NME9: variants seen among roughly 807,000 people sequenced by gnomAD.
NME9 encodes the protein NME/NM23 family member 9, also known as thioredoxin domain-containing protein 6.
Under a neutral mutation model 44.4 loss-of-function variants are expected in NME9, and 48 were observed. That is an observed-to-expected ratio of 1.08 (90% CI 0.86 to 1.37). The LOEUF is 1.37. Among genes scored for constraint, NME9 ranks in the 40% most tolerant of loss-of-function variants. The pLI is 0.00. For missense variants in NME9, 325 were observed against 405.2 expected (o/e 0.80, Z 1.70); for synonymous variants, 139 against 147.1 (o/e 0.94, Z 0.40).
chr3:138,309,674 G>T (rs189251132), intron 6 of NME9, among the ~76,000 whole-genome samples: 1 of 151,486 alleles, frequency 6.6e-6, no homozygotes, highest in African/African-American at 2.4e-5. Context: ...GACAGAACTA[G>T]AGTGAGCCAA....
At chr3:138,318,253 T>G in intron 3 of NME9, 34 bp from the exon 4 acceptor site, 1 of 1,327,702 alleles carries the variant, frequency 7.5e-7, no homozygotes, top group South Asian at 1.2e-5. Flanking sequence ...GTACCCTGGA[T>G]GCAGGGGGTG....
chr3:138,320,881 A>G (rs562370819), intron 2 of NME9, among the ~76,000 whole-genome samples: 76 of 152,298 alleles, frequency 5.0e-4, no homozygotes, highest in African/African-American at 1.8e-3. Context: ...GAGAAGCTCT[A>G]TCCTGAATCA....
chr3:138,263,955 T>C, intron 8 of NME9: 1 of 972,966 alleles, frequency 1.0e-6, no homozygotes, highest in Non-Finnish European at 1.6e-6. Context: ...ATAGAGTATA[T>C]AACATTGTCT....
chr3:138,284,440 A>C lies in NME9; in HGVS notation c.745+19067T>G, dbSNP rs1436018732. 1 of 1,613,034 alleles carries C rather than the reference A, an allele frequency of 6.2e-7. No individual in the cohort carries two copies. Among genetic ancestry groups the C allele is most frequent in the East Asian group, 2.2e-5 (1 of 44,886 alleles). On this transcript the variant is annotated intron_variant, in intron 8 of 8. Coordinates refer to the NME9 transcript ENST00000317876. The stretch of plus-strand genomic sequence containing the variant: ...CTTTGTTCTTTTCCAGACACTGTGC[A>C]TCTTAGCCAACATAGCGGATGGGAC...
chr3:138,286,942 T>A (rs1209972945), intron 8 of NME9, among the ~76,000 whole-genome samples: 1 of 152,188 alleles, frequency 6.6e-6, no homozygotes, highest in Admixed American at 6.5e-5. Context: ...CTCTGTCCCC[T>A]CATTCACTCA....
chr3:138,327,117 C>A (rs1209805269), intron 1 of NME9: 1 of 147,692 alleles, frequency 6.8e-6, no homozygotes. Context: ...GATCATGCCG[C>A]TGCATTCCAG....
chr3:138,287,706 C>G (rs1328090756), intron 8 of NME9: 3 of 456,536 alleles, frequency 6.6e-6, no homozygotes, highest in Admixed American at 4.7e-5. Context: ...TAGAATTCTA[C>G]TGGAGGAAGC....
intron 8 of NME9, among the ~76,000 whole-genome samples, chr3:138,285,098 C>T (rs1019164459): frequency 6.6e-6 from 1 of 152,180 alleles, no homozygotes; most frequent in Non-Finnish European, 1.5e-5. Flanking sequence ...CTATCCCTGC[C>T]ATGTCAGAGT....
At chr3:138,289,507 A>G (rs561966660) in intron 8 of NME9, among the ~76,000 whole-genome samples, 1 of 152,200 alleles carries the variant, frequency 6.6e-6, no homozygotes, top group Non-Finnish European at 1.5e-5. Context: ...GCAGATAAGC[A>G]TGATGGAGAA....
chr3:138,294,626 A>G (rs2108404095), intron 8 of NME9, among the ~76,000 whole-genome samples: 1 of 152,350 alleles, frequency 6.6e-6, no homozygotes. Context: ...TATTGTATGC[A>G]TAGTCTACTT....
chr3:138,264,412 CTTTTTTTT>C (rs11298899), intron 8 of NME9, among the ~76,000 whole-genome samples: 10 of 48,630 alleles, frequency 2.1e-4, no homozygotes, highest in East Asian at 7.3e-4. Context: ...GATTTTCTTT[CTTTTTTTT>C]TTTTTTTTTT....
chr3:138,294,446 C>G (rs545593353), intron 8 of NME9, among the ~76,000 whole-genome samples: 4 of 152,274 alleles, frequency 2.6e-5, no homozygotes, highest in African/African-American at 9.6e-5. Flanking sequence ...CTTGTAGAAC[C>G]CTACTTGCTC....
At position 138,329,732 on chromosome 3, in the gene NME9, T is replaced by C. The variant is rs1348995306; in HGVS notation, c.-397A>G. On this transcript the variant is annotated 5_prime_UTR_variant, in exon 1 of 11. Coordinates refer to ENST00000333911, the MANE Select transcript of NME9 (RefSeq NM_001349018.2). ...AAAAAAACGACATGGGACCCTGTTA[T>C]CCCTGCTGTTCTTATGGATTACTGG... is the stretch of plus-strand genomic sequence containing the variant. 1.9e-6 allele frequency: 2 copies of C among 1,048,418 alleles called. No homozygotes were observed. The highest frequency in any genetic ancestry group is 2.3e-6 in the Non-Finnish European group (2 of 870,396). The allele number at this position is 1,048,418 out of a possible 1,614,324, so 64.9% of individuals were successfully genotyped here.
At chr3:138,312,290 CA>C (rs1375815261) in intron 6 of NME9, among the ~76,000 whole-genome samples, 2 of 152,116 alleles carry the variant, frequency 1.3e-5, no homozygotes, top group Non-Finnish European at 2.9e-5. Flanking sequence ...TATGGAACCA[CA>C]AAAGACCCCA....
intron 8 of NME9, among the ~76,000 whole-genome samples, chr3:138,277,711 T>G (rs2049440043): frequency 6.6e-6 from 1 of 152,234 alleles, no homozygotes; most frequent in Admixed American, 6.5e-5. Context: ...TACAGTCATT[T>G]TGGAAATGGT....
At chr3:138,294,983 C>A (rs963353140) in intron 8 of NME9, among the ~76,000 whole-genome samples, 17 of 151,610 alleles carry the variant, frequency 1.1e-4, no homozygotes, top group African/African-American at 3.9e-4. Context: ...ACTGCAACCT[C>A]CACCCACCAG....
chr3:138,310,109 C>G (rs534990378), intron 6 of NME9, among the ~76,000 whole-genome samples: 1 of 151,632 alleles, frequency 6.6e-6, no homozygotes, highest in South Asian at 2.1e-4. Context: ...AAAGTGAAGG[C>G]ATGGAAAAAG....
intron 8 of NME9, among the ~76,000 whole-genome samples, chr3:138,272,727 T>G (rs897211431): frequency 4.6e-5 from 7 of 152,002 alleles, no homozygotes; most frequent in Admixed American, 3.3e-4. Context: ...ATACAAAAAT[T>G]AGCCAGGCGT....
At chr3:138,301,818 G>A (rs1352683723) in intron 10 of NME9, 114 bp from the exon 11 acceptor site, 4 of 765,264 alleles carry the variant, frequency 5.2e-6, no homozygotes, top group Admixed American at 2.3e-5. Flanking sequence ...AGGAGGGTCA[G>A]CAAAGAAGTC....
Sources: allele counts gnomAD v4.1 joint callset (sites outside exome capture counted in the v4.1 genomes callset), GRCh38; gene constraint gnomAD v4.1.1; transcripts MANE v1.5; gene names NCBI Gene and HGNC (gene_info 2026-07-23, HGNC 2026-07-21).